KIRREL3: variants seen among roughly 807,000 people sequenced by gnomAD.
The protein encoded by KIRREL3 is kin of IRRE-like protein 3.
KIRREL3 carries 36 observed loss-of-function variants against 89.7 expected under a neutral mutation model. That is an observed-to-expected ratio of 0.40 (90% confidence interval 0.31 to 0.53). KIRREL3 has a LOEUF of 0.53. KIRREL3 is among the 20% of genes least tolerant of loss of function. KIRREL3 has a pLI of 0.49. For missense variants in KIRREL3, 864 were observed against 1,056.6 expected, an observed-to-expected ratio of 0.82 and a Z score of 2.53; for synonymous variants, 445 against 441.4, an observed-to-expected ratio of 1.01 and a Z score of -0.10.
In KIRREL3 at chr11:126,929,571, G is replaced by A. The variant is rs558787262; in HGVS notation, c.55+70884C>T. ...AATACCAAAAGCCAAATAAGACCAC[G>A]TAAAAGCAAACAGAGCCTCCTCAAG... On this transcript the variant is annotated intron_variant, in intron 1 of 16. Coordinates refer to ENST00000525144, the MANE Select transcript of KIRREL3 (RefSeq NM_032531.4). 5.9e-5 allele frequency among the ~76,000 whole-genome samples: 9 copies of A among 152,238 alleles called. 1 individual carries two copies. Among genetic ancestry groups the A allele is most frequent in the Non-Finnish European group, 7.4e-5 (5 of 68,008 alleles).
Position 126,569,596 on chromosome 11 carries a change from AG to A in KIRREL3, c.56-6685del, listed in dbSNP as rs548233822. Among the ~76,000 whole-genome samples the A allele has an allele frequency of 2.6e-5, 4 of 152,362 alleles. No individual in the cohort carries two copies. The East Asian group carries it at 7.7e-4, about 29-fold the overall frequency. ...CTATACAAGACATATACTTAAGAAA[AG>A]GTAACTAAAAGTCAGAGACAGGTAA... is the stretch of plus-strand genomic sequence containing the variant. On this transcript the variant is annotated intron_variant, in intron 1 of 16. Transcript: ENST00000525144. The surrounding 1 kb of genome is among the most constrained non-coding windows in gnomAD (Gnocchi z 6.5).
At chr11:126,884,196 G>A (rs1945614135) in intron 1 of KIRREL3, among the ~76,000 whole-genome samples, 2 of 152,180 alleles carry the variant, frequency 1.3e-5, no homozygotes, top group Non-Finnish European at 2.9e-5. Context: ...GGGTCCACCC[G>A]CAGAAATTCT....
chr11:126,977,721 T>C lies in KIRREL3; in HGVS notation c.55+22734A>G, dbSNP rs1341319287. ...GAGTGACAGAGTCCCTTATTGATTT[T>C]TCCCCAACCTTCTGAATGATCAAGC... On this transcript the variant is annotated intron_variant, in intron 1 of 16. Transcript: ENST00000525144. The surrounding 1 kb of genome is among the most constrained non-coding windows in gnomAD (Gnocchi z 4.7). 6.6e-6 allele frequency among the ~76,000 whole-genome samples: 1 copy of C among 152,204 alleles called. No homozygotes were observed. Among genetic ancestry groups the C allele is most frequent in the Non-Finnish European group, 1.5e-5 (1 of 68,032 alleles).
intron 1 of KIRREL3, among the ~76,000 whole-genome samples, chr11:126,581,418 T>C (rs1285881789): frequency 6.6e-6 from 1 of 152,138 alleles, no homozygotes; most frequent in East Asian, 1.9e-4. Context: ...ACCAGGCTGG[T>C]CATAAACTCC....
chr11:126,741,996 G>C (rs1201697030), intron 1 of KIRREL3, among the ~76,000 whole-genome samples: 1 of 152,202 alleles, frequency 6.6e-6, no homozygotes, highest in Non-Finnish European at 1.5e-5. Context: ...ATGTTGGTCT[G>C]GGGGTACCAG....
rs532946559 is a variant in KIRREL3, at chr11:126,615,905, C to T, written c.56-52993G>A. Among the ~76,000 whole-genome samples the T allele has an allele frequency of 2.6e-5, 4 of 152,294 alleles. No homozygotes were observed. The highest frequency in any genetic ancestry group is 2.0e-4 in the Admixed American group (3 of 15,306). On this transcript the variant is annotated intron_variant, in intron 1 of 16. Transcript: ENST00000525144. The surrounding 1 kb of genome is among the most constrained non-coding windows in gnomAD (Gnocchi z 5.4). Reference sequence around the variant, plus strand: ...TTTGGTCATATGTCTGGGGAGCAGACTTCTTTGTATGCCCCCGGGGACAGG... The same window carrying T: ...TTTGGTCATATGTCTGGGGAGCAGATTTCTTTGTATGCCCCCGGGGACAGG...
In KIRREL3 at chr11:126,923,184, CTTCTCTTCTTCTTCTTCTTCT is replaced by C. The variant is rs1947464766; in HGVS notation, c.55+77250_55+77270del. On this transcript the variant is annotated intron_variant, in intron 1 of 16. Transcript: ENST00000525144. ...TTCTTCTTCTTCTTCTTCTCTTCTT[CTTCTCTTCTTCTTCTTCTTCT>C]TCTTCTTCTTCTTCTTCTTCTTCTT... 3.1e-4 allele frequency among the ~76,000 whole-genome samples: 7 copies of C among 22,750 alleles called. 1 individual carries two copies. The highest frequency in any genetic ancestry group is 6.0e-4 in the Non-Finnish European group (7 of 11,658). 14.9% of individuals were successfully genotyped at this position (22,750 alleles called of 152,430 possible). A position where few individuals can be genotyped will look rare whatever the true frequency, so the allele number is the denominator to read the frequency against.
chr11:126,760,415 C>T (rs60304713), intron 1 of KIRREL3, among the ~76,000 whole-genome samples: 13 of 152,322 alleles, frequency 8.5e-5, no homozygotes, highest in East Asian at 1.9e-4. Context: ...CTTTTCAGTT[C>T]GCATTTCTGG....
chr11:126,667,490 C>G (rs1379871769), intron 1 of KIRREL3, among the ~76,000 whole-genome samples: 1 of 152,124 alleles, frequency 6.6e-6, no homozygotes, highest in East Asian at 1.9e-4. Context: ...ACTTTTGACT[C>G]CCAATGCGAG....
chr11:126,625,919 T>G (rs1289613843), intron 1 of KIRREL3, among the ~76,000 whole-genome samples: 1 of 152,190 alleles, frequency 6.6e-6, no homozygotes, highest in Non-Finnish European at 1.5e-5. Flanking sequence ...CTATTGAACT[T>G]ACTGATTTAT....
At position 126,436,780 on chromosome 11, in the gene KIRREL3, G is replaced by A. The variant is rs374813871; in HGVS notation, c.1552+31C>T. The A allele has an allele frequency of 8.3e-4, 1,335 of 1,611,890 alleles. 3 individuals carry two copies. Among genetic ancestry groups the A allele is most frequent in the Middle Eastern group, 1.7e-3 (9 of 5,312 alleles). ...AGAGGGCCCTCTGGTTCCATCGTTC[G>A]TTGTTCCCTCATGGCCCTGGCAGCT... On this transcript the variant is annotated intron_variant, in intron 12 of 16. Coordinates refer to ENST00000525144, the MANE Select transcript of KIRREL3 (RefSeq NM_032531.4).
At chr11:126,458,124 C>A (rs1278662594) in intron 6 of KIRREL3, among the ~76,000 whole-genome samples, 1 of 152,300 alleles carries the variant, frequency 6.6e-6, no homozygotes, top group African/African-American at 2.4e-5. Context: ...GTTGAGTGGG[C>A]AGCCCAGGAC....
At chr11:126,706,808 C>A (rs562511831) in intron 1 of KIRREL3, among the ~76,000 whole-genome samples, 2 of 152,150 alleles carry the variant, frequency 1.3e-5, no homozygotes, top group African/African-American at 4.8e-5. Flanking sequence ...TTCATAAGAG[C>A]TTTTTTCTGT....
chr11:126,895,204 T>G (rs1324154479), intron 1 of KIRREL3, among the ~76,000 whole-genome samples: 1 of 152,016 alleles, frequency 6.6e-6, no homozygotes, highest in Non-Finnish European at 1.5e-5. Context: ...GGCTCACACC[T>G]GTAACCCCAG....
chr11:126,800,980 A>ACG (rs768779915), intron 1 of KIRREL3, among the ~76,000 whole-genome samples: 12 of 152,184 alleles, frequency 7.9e-5, no homozygotes, highest in Non-Finnish European at 1.8e-4. Context: ...GAGTGAGGAC[A>ACG]CGGGGAACAC....
Position 126,424,151 on chromosome 11 carries a change from T to G in KIRREL3, c.*429A>C. 3 of 225,512 alleles carry G rather than the reference T, an allele frequency of 1.3e-5. No individual in the cohort carries two copies. Among genetic ancestry groups the G allele is most frequent in the Admixed American group, 5.1e-5 (1 of 19,664 alleles). 14.0% of individuals were successfully genotyped at this position (225,512 alleles called of 1,614,324 possible). On this transcript the variant is annotated 3_prime_UTR_variant, in exon 17 of 17. Coordinates refer to ENST00000525144, the MANE Select transcript of KIRREL3 (RefSeq NM_032531.4). ...CGTCATCCCCTTCTCCCCAGGGCTG[T>G]ATGGGAGCACAGGCACAGGGGTAGG... is the stretch of plus-strand genomic sequence containing the variant.
intron 1 of KIRREL3, among the ~76,000 whole-genome samples, chr11:126,945,442 C>T (rs959519863): frequency 5.9e-5 from 9 of 152,160 alleles, no homozygotes; most frequent in African/African-American, 1.4e-4. Context: ...CATTCTCTCC[C>T]GTGTCTCCGC....
intron 1 of KIRREL3, among the ~76,000 whole-genome samples, chr11:126,786,698 T>C (rs915541625): frequency 1.3e-5 from 2 of 152,216 alleles, no homozygotes; most frequent in Non-Finnish European, 2.9e-5. Flanking sequence ...TAGGCCTGCA[T>C]GCTGCTCACA....
rs1030473547 is a variant in KIRREL3, at chr11:126,797,249, A to T, written c.55+203206T>A. Reference sequence around the variant, plus strand: ...AATTTAGATCCCACCTCTGCCACTTATTGACCTCTCTGAGACTCAATTTCT... The same window carrying T: ...AATTTAGATCCCACCTCTGCCACTTTTTGACCTCTCTGAGACTCAATTTCT... On this transcript the variant is annotated intron_variant, in intron 1 of 16. Transcript: ENST00000525144. This position sits in a 1 kb window ranked among gnomAD's most constrained non-coding sequence, Gnocchi z 4.9. Among the ~76,000 whole-genome samples the T allele has an allele frequency of 4.6e-5, 7 of 152,194 alleles. No homozygotes were observed. Among genetic ancestry groups the T allele is most frequent in the African/African-American group, 1.7e-4 (7 of 41,456 alleles).
Sources: gnomAD v4.1 joint callset for allele counts (sites outside exome capture counted in the v4.1 genomes callset) on GRCh38, gnomAD v4.1.1 for gene constraint, Gnocchi (gnomAD v3.1) non-coding constraint, MANE v1.5 for transcripts, NCBI Gene and HGNC (gene_info 2026-07-23, HGNC 2026-07-21) for gene names.